COL8A1: variants seen among roughly 807,000 people sequenced by gnomAD.
The protein encoded by COL8A1 is collagen alpha-1(VIII) chain.
Under a neutral mutation model 42.7 loss-of-function variants are expected in COL8A1, and 21 were observed. That is an observed-to-expected ratio of 0.49 (90% CI 0.35 to 0.71). COL8A1 has a LOEUF of 0.71. COL8A1 is among the 30% of genes least tolerant of loss of function. The pLI is 0.01. For synonymous variants in COL8A1, 367 were observed against 369.1 expected (o/e 0.99, Z 0.06); for missense variants, 788 against 962.4 (o/e 0.82, Z 2.40).
rs748465811 is a variant in COL8A1 at position 99,658,219 on chromosome 3, G to A, written c.-129+19555G>A. ...AGGCCTTCATCATCTGGGCCTGCCC[G>A]TCTTCTCAGCTCCATTCCTTGCTAT... On this transcript the variant is annotated intron_variant, in intron 1 of 3. Coordinates refer to ENST00000652472, the MANE Select transcript of COL8A1 (RefSeq NM_020351.4). Among the ~76,000 whole-genome samples, 11 of 151,408 alleles carry A rather than the reference G, an allele frequency of 7.3e-5. No individual in the cohort carries two copies. The South Asian group carries it at 8.3e-4, about 11-fold the overall frequency.
chr3:99,699,274 A>G (rs938355748), intron 1 of COL8A1, among the ~76,000 whole-genome samples: 1 of 152,136 alleles, frequency 6.6e-6, no homozygotes. Context: ...CTCCACTCAC[A>G]CCATCAACAT....
At chr3:99,728,240 AC>A (rs1025412923) in intron 1 of COL8A1, among the ~76,000 whole-genome samples, 1 of 151,860 alleles carries the variant, frequency 6.6e-6, no homozygotes, top group Non-Finnish European at 1.5e-5. Context: ...TATCTAGAAA[AC>A]CCCATTGTCT....
intron 3 of COL8A1, among the ~76,000 whole-genome samples, chr3:99,791,430 G>C (rs1434717597): frequency 6.6e-6 from 1 of 152,226 alleles, no homozygotes; most frequent in African/African-American, 2.4e-5. Flanking sequence ...AGGACCTGCT[G>C]TGTTAAAAGA....
intron 1 of COL8A1, among the ~76,000 whole-genome samples, chr3:99,735,771 C>G (rs1430224965): frequency 2.0e-5 from 3 of 151,842 alleles, no homozygotes; most frequent in African/African-American, 7.3e-5. Flanking sequence ...GCTGTGAATC[C>G]ATCTGGTCCT....
chr3:99,717,817 T>C (rs895751421), intron 1 of COL8A1, among the ~76,000 whole-genome samples: 34 of 151,990 alleles, frequency 2.2e-4, no homozygotes, highest in Admixed American at 1.9e-3. Flanking sequence ...ACATTTTTTG[T>C]TGTCATGGAA....
In COL8A1 at chr3:99,795,433, C is replaced by T; in HGVS notation, c.1532C>T (p.Pro511Leu). 1.3e-6 allele frequency: 2 copies of T among 1,517,934 alleles called. No homozygotes were observed. Among genetic ancestry groups the T allele is most frequent in the South Asian group, 1.2e-5 (1 of 81,428 alleles). The allele number at this position is 1,517,934 out of a possible 1,614,324, so 94.0% of individuals were successfully genotyped here. The change falls in exon 4 of 4, where the codon CCA becomes CTA. Residue 511 changes from proline (P) to leucine (L), a missense_variant. Transcript: ENST00000652472. Reference protein sequence around the residue: ...GIGGPSGPIGPPGIPGPKGEP... With the variant: ...GIGGPSGPIGLPGIPGPKGEP... ...GGGGGCCCTAGTGGCCCCATTGGACCACCTGGGATTCCAGGCCCCAAAGGG... is the reference window on the plus strand; with the variant it reads ...GGGGGCCCTAGTGGCCCCATTGGACTACCTGGGATTCCAGGCCCCAAAGGG...
chr3:99,753,623 ATGC>A (rs903019390), intron 2 of COL8A1, among the ~76,000 whole-genome samples: 4 of 152,200 alleles, frequency 2.6e-5, no homozygotes, highest in African/African-American at 7.2e-5. Flanking sequence ...ACAGAATGAA[ATGC>A]TGCTTTTTCA....
Position 99,794,570 on chromosome 3 carries a change from T to C in COL8A1, c.669T>C (p.Gly223=). Residue 223 remains glycine, a synonymous_variant, in exon 4 of 4, where the codon GGT becomes GGC. Coordinates refer to ENST00000652472, the MANE Select transcript of COL8A1 (RefSeq NM_020351.4). The surrounding 1 kb of genome is among the most constrained non-coding windows in gnomAD (Gnocchi z 4.3). ...TACCAGGGCAACCAGGACCAAAGGG[T>C]GATCGAGGACCCAAAGGACTACCAG... ...PGLPGQPGPK[G]DRGPKGLPGP... 5.0e-6 allele frequency: 8 copies of C among 1,612,112 alleles called. No individual in the cohort carries two copies. Among genetic ancestry groups the C allele is most frequent in the Non-Finnish European group, 6.8e-6 (8 of 1,179,258 alleles).
In COL8A1 at chr3:99,797,900, G is replaced by A. The variant is rs1942132003; in HGVS notation, c.*1764G>A. 1 of 152,140 alleles carries A rather than the reference G, an allele frequency of 6.6e-6. No homozygotes were observed. The highest frequency in any genetic ancestry group is 6.5e-5 in the Admixed American group (1 of 15,270). The allele number at this position is 152,140 out of a possible 1,614,324, so 9.4% of individuals were successfully genotyped here. ...CTTGGGCACATACTAACTGCTTTGG[G>A]CATTCTAATCTGGTCTCCAAACACC... On this transcript the variant is annotated 3_prime_UTR_variant, in exon 4 of 4. Transcript: ENST00000652472.
chr3:99,724,664 A>T (rs1940252905), intron 1 of COL8A1, among the ~76,000 whole-genome samples: 1 of 152,130 alleles, frequency 6.6e-6, no homozygotes. Flanking sequence ...GAAGACAGAG[A>T]TAAGTCAATC....
chr3:99,773,844 T>A (rs1273183084), intron 2 of COL8A1, among the ~76,000 whole-genome samples: 63 of 40,324 alleles, frequency 1.6e-3, no homozygotes, highest in African/African-American at 4.6e-3. Flanking sequence ...TATATTTTTT[T>A]TTTTTTTTTT....
intron 2 of COL8A1, among the ~76,000 whole-genome samples, chr3:99,766,299 A>G (rs982767011): frequency 6.6e-6 from 1 of 152,176 alleles, no homozygotes; most frequent in Non-Finnish European, 1.5e-5. Context: ...ATCCAAATCC[A>G]GGTGGCTAGG....
intron 2 of COL8A1, among the ~76,000 whole-genome samples, chr3:99,786,119 T>C (rs975105249): frequency 2.0e-5 from 3 of 152,148 alleles, no homozygotes; most frequent in African/African-American, 4.8e-5. Context: ...TTAAGAAAGA[T>C]ACATCTCTCA....
chr3:99,742,669 G>A (rs1383783234), intron 1 of COL8A1, among the ~76,000 whole-genome samples: 6 of 152,122 alleles, frequency 3.9e-5, no homozygotes, highest in Non-Finnish European at 7.4e-5. Flanking sequence ...GTTGAAAAAC[G>A]GCAATTTAGG....
intron 1 of COL8A1, among the ~76,000 whole-genome samples, chr3:99,694,934 T>C (rs1269411689): frequency 6.6e-6 from 1 of 152,160 alleles, no homozygotes; most frequent in Non-Finnish European, 1.5e-5. Context: ...TAAACTCTTA[T>C]AAAAGACAGA....
intron 1 of COL8A1, among the ~76,000 whole-genome samples, chr3:99,658,565 T>G (rs1938102119): frequency 6.6e-6 from 1 of 152,222 alleles, no homozygotes; most frequent in Non-Finnish European, 1.5e-5. Flanking sequence ...GAGTCTGCCT[T>G]ACCAACCAGT....
intron 1 of COL8A1, among the ~76,000 whole-genome samples, chr3:99,739,085 G>A (rs867776773): frequency 2.4e-4 from 37 of 152,036 alleles, no homozygotes; most frequent in South Asian, 6.2e-4. Context: ...GCTTTGGCTC[G>A]TGCACGGTGC....
intron 1 of COL8A1, among the ~76,000 whole-genome samples, chr3:99,724,131 C>T (rs1288275609): frequency 6.6e-6 from 1 of 152,100 alleles, no homozygotes; most frequent in Non-Finnish European, 1.5e-5. Flanking sequence ...TGGTTTCTGA[C>T]ATGACTGGAT....
chr3:99,651,703 T>A (rs1161721278), intron 1 of COL8A1, among the ~76,000 whole-genome samples: 2 of 152,154 alleles, frequency 1.3e-5, no homozygotes, highest in East Asian at 1.9e-4. Flanking sequence ...CCAGAGTGAA[T>A]CTCTAACAGC....
Sources: gnomAD v4.1 joint callset for allele counts (sites outside exome capture counted in the v4.1 genomes callset) on GRCh38, gnomAD v4.1.1 for gene constraint, Gnocchi (gnomAD v3.1) non-coding constraint, MANE v1.5 for transcripts, NCBI Gene and HGNC (gene_info 2026-07-23, HGNC 2026-07-21) for gene names.